XPO6: variants seen among roughly 807,000 people sequenced by gnomAD.
XPO6 encodes exportin 6, also known as exportin-6.
A neutral mutation model predicts 130.0 loss-of-function variants in XPO6; 3 were observed. The observed-to-expected ratio is 0.02, with a 90% CI of 0.01 to 0.06. The LOEUF (loss-of-function observed/expected upper bound fraction) is 0.06, where lower values mean the gene tolerates loss of function less well. Ranked by LOEUF, XPO6 falls within the 10% of genes least tolerant of loss-of-function variation. XPO6 has a pLI of 1.00. For missense variants in XPO6, 970 were observed against 1,393.0 expected, an observed-to-expected ratio of 0.70 and a Z score of 4.83; for synonymous variants, 524 against 548.9, an observed-to-expected ratio of 0.95 and a Z score of 0.63.
intron 17 of XPO6, among the ~76,000 whole-genome samples, chr16:28,110,877 C>T (rs2086903305): frequency 6.6e-6 from 1 of 152,196 alleles, no homozygotes; most frequent in African/African-American, 2.4e-5. Flanking sequence ...ATAGAATCAC[C>T]AAGGCAAGAG....
At chr16:28,210,469 A>G (rs1200414867) in intron 1 of XPO6, among the ~76,000 whole-genome samples, 1 of 152,244 alleles carries the variant, frequency 6.6e-6, no homozygotes, top group Non-Finnish European at 1.5e-5. Flanking sequence ...TGGAGCAGAT[A>G]AGGGTTCAAA....
intron 1 of XPO6, among the ~76,000 whole-genome samples, chr16:28,191,324 T>C (rs185097694): frequency 3.2e-4 from 49 of 152,348 alleles, no homozygotes; most frequent in Admixed American, 3.2e-3. Context: ...ATAGTTATTC[T>C]GCAGAAACTG....
At chr16:28,195,923 G>C (rs2141897652) in intron 1 of XPO6, among the ~76,000 whole-genome samples, 1 of 152,258 alleles carries the variant, frequency 6.6e-6, no homozygotes, top group East Asian at 1.9e-4. Flanking sequence ...CTTTAGGCTG[G>C]TTATTTTTTT....
intron 12 of XPO6, chr16:28,126,759 A>T (rs2087425137): frequency 6.6e-6 from 1 of 152,098 alleles, no homozygotes; most frequent in South Asian, 2.1e-4. Context: ...ATTTTCAGAG[A>T]CCTGCAGGAA....
chr16:28,188,772 G>T (rs1311926134), intron 1 of XPO6, among the ~76,000 whole-genome samples: 1 of 149,954 alleles, frequency 6.7e-6, no homozygotes, highest in Admixed American at 6.7e-5. Flanking sequence ...AAAATAACAT[G>T]CATGGGAACC....
intron 13 of XPO6, among the ~76,000 whole-genome samples, chr16:28,123,401 T>C (rs1039558271): frequency 2.0e-5 from 3 of 150,988 alleles, no homozygotes; most frequent in Admixed American, 2.0e-4. Context: ...CCACCACGCC[T>C]GGAGTTGAAA....
intron 4 of XPO6, among the ~76,000 whole-genome samples, chr16:28,172,803 G>A (rs1427569057): frequency 2.0e-5 from 3 of 152,014 alleles, no homozygotes; most frequent in African/African-American, 4.8e-5. Flanking sequence ...AAAAACCCTT[G>A]AGATGATTTA....
At chr16:28,175,627 C>G (rs971811506) in intron 4 of XPO6, among the ~76,000 whole-genome samples, 18 of 152,210 alleles carry the variant, frequency 1.2e-4, no homozygotes, top group Admixed American at 1.0e-3. Context: ...CCCCCAACAC[C>G]TAGTACAGCA....
At chr16:28,113,845 A>T (rs894346891) in intron 15 of XPO6, among the ~76,000 whole-genome samples, 2 of 152,224 alleles carry the variant, frequency 1.3e-5, no homozygotes, top group African/African-American at 4.8e-5. Context: ...CTAGGAAAAT[A>T]ATGAAACATA....
At chr16:28,159,454 T>C (rs1429808660) in intron 6 of XPO6, among the ~76,000 whole-genome samples, 1 of 152,190 alleles carries the variant, frequency 6.6e-6, no homozygotes, top group African/African-American at 2.4e-5. Context: ...ACAGTAACAT[T>C]CACAGCATGG....
intron 5 of XPO6, among the ~76,000 whole-genome samples, chr16:28,168,979 A>C (rs1328278930): frequency 2.0e-5 from 3 of 152,162 alleles, no homozygotes; most frequent in Non-Finnish European, 4.4e-5. Context: ...CCAAGCACTA[A>C]ACTGGAGATA....
intron 6 of XPO6, among the ~76,000 whole-genome samples, chr16:28,159,962 A>G (rs2043246774): frequency 6.6e-6 from 1 of 152,004 alleles, no homozygotes; most frequent in African/African-American, 2.4e-5. Flanking sequence ...AAGGCGGGCA[A>G]ATCACTTGAG....
intron 8 of XPO6, among the ~76,000 whole-genome samples, chr16:28,148,985 T>G (rs1308036449): frequency 4.8e-5 from 7 of 146,004 alleles, no homozygotes; most frequent in Non-Finnish European, 7.4e-5. Flanking sequence ...GAGGTTGCAG[T>G]AAGTCAAGAT....
At chr16:28,147,893 C>T (rs2043014146) in intron 8 of XPO6, among the ~76,000 whole-genome samples, 1 of 152,184 alleles carries the variant, frequency 6.6e-6, no homozygotes, top group Admixed American at 6.5e-5. Flanking sequence ...TTGCAGTGAG[C>T]TGAGATCGTG....
intron 12 of XPO6, among the ~76,000 whole-genome samples, chr16:28,130,706 A>T (rs899782171): frequency 6.8e-6 from 1 of 147,360 alleles, no homozygotes; most frequent in African/African-American, 2.7e-5. Context: ...AATTGCCAGT[A>T]AACAGGCTTT....
intron 2 of XPO6, chr16:28,179,077 A>C (rs1047595931): frequency 6.6e-6 from 1 of 151,860 alleles, no homozygotes; most frequent in African/African-American, 2.4e-5. Context: ...AAAAAAAAAA[A>C]AATCCAAGCC....
At chr16:28,122,354 G>A (rs1197911592) in intron 13 of XPO6, among the ~76,000 whole-genome samples, 2 of 152,142 alleles carry the variant, frequency 1.3e-5, no homozygotes, top group Non-Finnish European at 2.9e-5. Flanking sequence ...GAATGTGGTT[G>A]CTCATGCCTG....
chr16:28,156,605 AATATAT>A, intron 6 of XPO6, 78 bp from the exon 7 acceptor site: 2 of 877,684 alleles, frequency 2.3e-6, no homozygotes, highest in African/African-American at 1.7e-5. Flanking sequence ...CCTTCAAAAA[AATATAT>A]ATATATATGT....
rs895367189 is a variant in XPO6 at position 28,132,001 on chromosome 16, A to T, written c.1606+333T>A. ...TAAAGTGAGCAGGAAGCAAGAAAGC[A>T]CAAGGCCATGTTCTCCCTAGTACAC... is the stretch of plus-strand genomic sequence containing the variant. On this transcript the variant is annotated intron_variant, in intron 12 of 23. Coordinates refer to ENST00000304658, the MANE Select transcript of XPO6 (RefSeq NM_015171.4). The surrounding 1 kb of genome is among the most constrained non-coding windows in gnomAD (Gnocchi z 4.0). 6.6e-6 allele frequency among the ~76,000 whole-genome samples: 1 copy of T among 152,232 alleles called. No homozygotes were observed. The highest frequency in any genetic ancestry group is 1.5e-5 in the Non-Finnish European group (1 of 68,042).
Sources: allele counts gnomAD v4.1 joint callset (sites outside exome capture counted in the v4.1 genomes callset), GRCh38; gene constraint gnomAD v4.1.1; non-coding constraint Gnocchi (gnomAD v3.1); transcripts MANE v1.5; gene names NCBI Gene and HGNC (gene_info 2026-07-23, HGNC 2026-07-21).